HEXD: variants seen among roughly 807,000 people sequenced by gnomAD.
HEXD encodes the protein hexosaminidase D, also known as N-acetyl-beta-galactosaminidase.
HEXD carries 47 observed loss-of-function variants against 54.2 expected under a neutral mutation model. That is an observed-to-expected ratio of 0.87 (90% confidence interval 0.69 to 1.11). The LOEUF (loss-of-function observed/expected upper bound fraction) is 1.11. Ranked by LOEUF, HEXD falls within the 50% of genes least tolerant of loss-of-function variation. The pLI is 0.00. For missense variants in HEXD, 576 were observed against 649.2 expected, an observed-to-expected ratio of 0.89 and a Z score of 1.23; for synonymous variants, 293 against 287.6, an observed-to-expected ratio of 1.02 and a Z score of -0.19.
intron 8 of HEXD, among the ~76,000 whole-genome samples, chr17:82,438,097 C>T (rs921285233): frequency 3.3e-5 from 5 of 152,020 alleles, no homozygotes; most frequent in African/African-American, 9.7e-5. Context: ...ATTAGCCTGG[C>T]GTGGTGGCAC....
At chr17:82,433,032 C>A (rs1167650658) in intron 4 of HEXD, among the ~76,000 whole-genome samples, 1 of 126,376 alleles carries the variant, frequency 7.9e-6, no homozygotes, top group East Asian at 2.4e-4. Context: ...TGCCACTGCA[C>A]TCCAGACTGG....
In HEXD at chr17:82,436,712, C is replaced by T. The variant is rs867414086; in HGVS notation, c.677C>T (p.Thr226Met). 1.1e-5 allele frequency: 17 copies of T among 1,612,384 alleles called. No homozygotes were observed. Among genetic ancestry groups the T allele is most frequent in the East Asian group, 2.2e-5 (1 of 44,858 alleles). The change falls in exon 7 of 13, where the codon ACG becomes ATG. Residue 226 changes from threonine to methionine, a missense_variant. Thr to Met is a moderately conservative substitution (Grantham distance 81, BLOSUM62 -1). Transcript: ENST00000327949. ...QLVEPVLWDY[T>M]ADLDVHGKVL... Reference sequence around the variant, plus strand: ...GTGGAGCCGGTGCTCTGGGACTACACGGCCGACCTGGATGTGCACGGCAAG... The same window carrying T: ...GTGGAGCCGGTGCTCTGGGACTACATGGCCGACCTGGATGTGCACGGCAAG...
intron 9 of HEXD, 106 bp from the exon 10 acceptor site, chr17:82,440,891 A>G: frequency 1.5e-6 from 2 of 1,329,788 alleles, no homozygotes; most frequent in Non-Finnish European, 2.1e-6. Context: ...GTGGCTCTCC[A>G]TTGCCGCCCG....
chr17:82,434,193 G>GT lies in HEXD; in HGVS notation c.447+372dup, dbSNP rs1371678747. Among the ~76,000 whole-genome samples the GT allele has an allele frequency of 6.6e-6, 1 of 152,264 alleles. No homozygotes were observed. Among genetic ancestry groups the GT allele is most frequent in the African/African-American group, 2.4e-5 (1 of 41,470 alleles). ...GCCCCAGGACCAGCAGTGAGCATAA[G>GT]TCAGGGTGTAACTCGAGGGACACCC... On this transcript the variant is annotated intron_variant, in intron 5 of 12. Coordinates refer to ENST00000327949, the MANE Select transcript of HEXD (RefSeq NM_001330542.2). This position sits in a 1 kb window ranked among gnomAD's most constrained non-coding sequence, Gnocchi z 4.5.
chr17:82,439,469 T>A (rs1178605904), intron 8 of HEXD, 162 bp from the exon 9 acceptor site: 27 of 985,222 alleles, frequency 2.7e-5, no homozygotes, highest in Non-Finnish European at 3.1e-5. Flanking sequence ...ACAGAACCTG[T>A]CTTGGAAACC....
chr17:82,441,945 C>T, intron 12 of HEXD, 56 bp downstream of exon 12: 2 of 1,532,224 alleles, frequency 1.3e-6, no homozygotes, highest in Non-Finnish European at 1.8e-6. Context: ...AGAACTGCTG[C>T]TGTTGCTGAC....
At position 82,437,261 on chromosome 17, in the gene HEXD, C is replaced by T; in HGVS notation, c.797C>T (p.Pro266Leu). ...GCCACGGGGCCCAGCCAGGCCGTGC[C>T]CCCTGTTGAGCACCACCTCAGGAAC... ...KGATGPSQAVPPVEHHLRNHV... is the reference protein window; with the variant it reads ...KGATGPSQAVLPVEHHLRNHV... The change falls in exon 8 of 13, where the codon CCC becomes CTC. Residue 266 changes from proline (P) to leucine (L), a missense_variant. By Grantham distance (98) the Pro-to-Leu change is moderately conservative. Transcript: ENST00000327949. The T allele has an allele frequency of 1.2e-6, 2 of 1,612,322 alleles. No individual in the cohort carries two copies. Among genetic ancestry groups the T allele is most frequent in the Non-Finnish European group, 1.7e-6 (2 of 1,179,548 alleles).
At chr17:82,423,022 A>AC (rs2053282429) in intron 2 of HEXD, among the ~76,000 whole-genome samples, 1 of 151,438 alleles carries the variant, frequency 6.6e-6, no homozygotes, top group Admixed American at 6.6e-5. Context: ...GTGCCACTGC[A>AC]CTCCATCCTG....
Position 82,441,022 on chromosome 17 carries a change from G to A in HEXD, c.1008G>A (p.Ala336=), listed in dbSNP as rs574960397. ...GAGGATTTGATGAAGATGTTAAAGC[G>A]AAAGTGGAGAACCTTCTCGGGATTT... ...LRGGFDEDVK[A]KVENLLGISS... is the part of the protein sequence containing the mutation. The change falls in exon 10 of 13, where the codon GCG becomes GCA. Residue 336 remains alanine, a synonymous_variant. Transcript: ENST00000327949. 1.9e-4 allele frequency: 312 copies of A among 1,613,580 alleles called. 3 individuals carry two copies. The South Asian group carries it at 2.7e-3, about 14-fold the overall frequency.
chr17:82,440,190 T>C lies in HEXD; in HGVS notation c.982+477T>C, dbSNP rs550055805. 3.8e-4 allele frequency: 495 copies of C among 1,289,270 alleles called. 2 individuals carry two copies. The African/African-American group carries it at 6.7e-3, about 17-fold the overall frequency. The allele number at this position is 1,289,270 out of a possible 1,614,324, so 79.9% of individuals were successfully genotyped here. A position where few individuals can be genotyped will look rare whatever the true frequency, so the allele number is the denominator to read the frequency against. ...AACCCCTTGGGGTCGGCAGGGGGCTTGGCCAGAGGAGCTGTGTGTGTGGAA... is the reference window on the plus strand; with the variant it reads ...AACCCCTTGGGGTCGGCAGGGGGCTCGGCCAGAGGAGCTGTGTGTGTGGAA... On this transcript the variant is annotated intron_variant, in intron 9 of 12. Coordinates refer to ENST00000327949, the MANE Select transcript of HEXD (RefSeq NM_001330542.2).
At chr17:82,439,489 A>C (rs1045868587) in intron 8 of HEXD, 142 bp from the exon 9 acceptor site, 4 of 1,434,288 alleles carry the variant, frequency 2.8e-6, no homozygotes, top group Non-Finnish European at 3.6e-6. Context: ...CCTGGGCCCC[A>C]TGGGTTGAGG....
At chr17:82,437,426 C>A in intron 8 of HEXD, 63 bp downstream of exon 8, 1 of 1,408,652 alleles carries the variant, frequency 7.1e-7, no homozygotes. Context: ...CCACGTCGGC[C>A]TGTGCAGCGT....
At chr17:82,440,348 G>A in intron 9 of HEXD, 5 of 1,220,598 alleles carry the variant, frequency 4.1e-6, no homozygotes, top group Non-Finnish European at 4.2e-6. Context: ...AGAGGACGCA[G>A]AATGAGATCA....
chr17:82,432,178 T>C (rs1017275222), intron 4 of HEXD, among the ~76,000 whole-genome samples: 1 of 152,126 alleles, frequency 6.6e-6, no homozygotes, highest in East Asian at 1.9e-4. Context: ...CGGTGGGGGG[T>C]GCATCCCTAG....
Position 82,418,496 on chromosome 17 carries a change from C to T in HEXD, c.-296C>T, listed in dbSNP as rs1414988034. 2 of 1,381,066 alleles carry T rather than the reference C, an allele frequency of 1.4e-6. No homozygotes were observed. Among genetic ancestry groups the T allele is most frequent in the Admixed American group, 6.6e-5 (2 of 30,154 alleles). 85.6% of individuals were successfully genotyped at this position (1,381,066 alleles called of 1,614,324 possible). A position where few individuals can be genotyped will look rare whatever the true frequency, so the allele number is the denominator to read the frequency against. On this transcript the variant is annotated 5_prime_UTR_variant, in exon 1 of 13. Transcript: ENST00000327949. ...CCGCTGAGGAGCCATCGGACCAGGC[C>T]GCCGCGGAGCCGGGCCGGACGCGGG...
rs538626559 is a variant in HEXD, at chr17:82,421,941, C to G, written c.84+2058C>G. 2.0e-5 allele frequency among the ~76,000 whole-genome samples: 3 copies of G among 152,066 alleles called. No homozygotes were observed. The East Asian group carries it at 5.8e-4, about 29-fold the overall frequency. ...CCTGTAATCCCAGCACTTTGGGAGG[C>G]CGAGGAAGGTGGATCACAAGGTCAG... On this transcript the variant is annotated intron_variant, in intron 2 of 12. Transcript: ENST00000327949.
intron 2 of HEXD, among the ~76,000 whole-genome samples, chr17:82,421,128 G>A (rs533221982): frequency 2.0e-5 from 3 of 152,274 alleles, no homozygotes; most frequent in African/African-American, 7.2e-5. Context: ...GAGAAGTGGG[G>A]CAGAGTTTTA....
intron 7 of HEXD, 104 bp downstream of exon 7, chr17:82,436,842 C>A: frequency 9.1e-7 from 1 of 1,100,784 alleles, no homozygotes; most frequent in Non-Finnish European, 1.3e-6. Flanking sequence ...CTGGAGCCTG[C>A]ACGGGTAGAG....
At chr17:82,440,114 C>T (rs2053887950) in intron 9 of HEXD, 1 of 1,295,442 alleles carries the variant, frequency 7.7e-7, no homozygotes, top group South Asian at 1.2e-5. Flanking sequence ...CTCACACTTC[C>T]AGGTCTCCTG....
Sources: allele counts gnomAD v4.1 joint callset (sites outside exome capture counted in the v4.1 genomes callset), GRCh38; gene constraint gnomAD v4.1.1; non-coding constraint Gnocchi (gnomAD v3.1); transcripts MANE v1.5; gene names NCBI Gene and HGNC (gene_info 2026-07-23, HGNC 2026-07-21).